Variants in FBXL13 observed in about 807,000 individuals in gnomAD.
FBXL13 encodes F-box and leucine-rich repeat protein 13.
A neutral mutation model predicts 83.6 loss-of-function variants in FBXL13; 67 were observed. That is an observed-to-expected ratio of 0.80 (90% CI 0.66 to 0.98). The LOEUF (loss-of-function observed/expected upper bound fraction) is 0.98. FBXL13 is among the 50% of genes least tolerant of loss of function. The pLI, the probability that FBXL13 is intolerant of heterozygous loss-of-function variation, is 0.00. For synonymous variants in FBXL13, 272 were observed against 299.5 expected, an observed-to-expected ratio of 0.91 and a Z score of 0.95; for missense variants, 822 against 866.5, an observed-to-expected ratio of 0.95 and a Z score of 0.64.
intron 1 of FBXL13, among the ~76,000 whole-genome samples, chr7:103,060,018 TTTTATATATATATATATATATATA>T (rs1797703814): frequency 1.7e-5 from 1 of 58,354 alleles, no homozygotes; most frequent in Non-Finnish European, 3.4e-5. Context: ...TAGCAAGATA[TTTTATATATATATATATATATATA>T]TATATATATA....
intron 16 of FBXL13, among the ~76,000 whole-genome samples, chr7:102,875,125 G>A (rs1371583452): frequency 6.6e-6 from 1 of 152,120 alleles, no homozygotes; most frequent in East Asian, 1.9e-4. Flanking sequence ...AACAGCTGGC[G>A]ATTCTGCTCC....
At chr7:102,883,622 C>A (rs548882216) in exon 13 of FBXL13, 2 of 1,612,312 alleles carry the variant, frequency 1.2e-6, no homozygotes, top group Non-Finnish European at 1.7e-6. Context: ...AAAGTACAAT[C>A]GGAGATATGC....
chr7:102,998,777 G>A lies in FBXL13; in HGVS notation c.495+26286C>T, dbSNP rs971396838. Among the ~76,000 whole-genome samples the A allele has an allele frequency of 6.0e-5, 9 of 151,142 alleles. 1 individual carries two copies. The South Asian group carries it at 1.5e-3, about 25-fold the overall frequency. On this transcript the variant is annotated intron_variant, in intron 6 of 19. Coordinates refer to ENST00000313221, the Ensembl canonical transcript of FBXL13. ...AGCCCAGGAATTCGAGACTAGCCTG[G>A]GTGACATGGCAAAACTCCATCTCTA...
At chr7:103,059,436 A>C (rs1252503439) in intron 1 of FBXL13, among the ~76,000 whole-genome samples, 1 of 152,198 alleles carries the variant, frequency 6.6e-6, no homozygotes, top group Admixed American at 6.5e-5. Context: ...TGCCCAATGA[A>C]AATAAAAATC....
At chr7:102,973,405 C>G in intron 6 of FBXL13, 1 of 697,030 alleles carries the variant, frequency 1.4e-6, no homozygotes, top group Non-Finnish European at 2.6e-6. Flanking sequence ...AACAGGCCAT[C>G]TGGGTACCAC....
chr7:102,960,963 T>C (rs1449602433), intron 8 of FBXL13, among the ~76,000 whole-genome samples: 4 of 151,928 alleles, frequency 2.6e-5, no homozygotes, highest in South Asian at 2.1e-4. Context: ...CTATTCAACG[T>C]AGTGTTGGAA....
intron 6 of FBXL13, among the ~76,000 whole-genome samples, chr7:102,998,758 G>GCCTGGGT (rs1352317503): frequency 2.0e-5 from 3 of 151,898 alleles, no homozygotes; most frequent in African/African-American, 7.3e-5. Context: ...TTTGAGCCCA[G>GCCTGGGT]GAATTCGAGA....
At chr7:102,974,644 T>G (rs1209829593) in intron 6 of FBXL13, among the ~76,000 whole-genome samples, 1 of 152,086 alleles carries the variant, frequency 6.6e-6, no homozygotes, top group African/African-American at 2.4e-5. Flanking sequence ...TAATTCTTGC[T>G]CACCTGTTCA....
intron 10 of FBXL13, among the ~76,000 whole-genome samples, chr7:102,919,979 C>T (rs1003123385): frequency 6.6e-5 from 10 of 151,994 alleles, no homozygotes; most frequent in African/African-American, 1.7e-4. Context: ...CACTACAATT[C>T]GATATTAAAA....
intron 18 of FBXL13, among the ~76,000 whole-genome samples, chr7:102,826,643 T>C (rs934074288): frequency 2.0e-5 from 3 of 146,510 alleles, no homozygotes; most frequent in Admixed American, 1.4e-4. Context: ...GAGGATCACT[T>C]GAGCCTGGGA....
chr7:102,989,037 G>C (rs567665822), intron 6 of FBXL13, among the ~76,000 whole-genome samples: 1 of 152,288 alleles, frequency 6.6e-6, no homozygotes, highest in Admixed American at 6.5e-5. Flanking sequence ...ACTTTATGAG[G>C]AAGCTACAAA....
At chr7:102,944,926 GA>G (rs1033539298) in intron 8 of FBXL13, 35 of 206,328 alleles carry the variant, frequency 1.7e-4, no homozygotes, top group African/African-American at 7.6e-4. Context: ...AGAAAATAAA[GA>G]AAAAAAACTT....
rs145367780 is a variant in FBXL13, at chr7:102,867,954, G to A, written c.1635+9513C>T. ...CCTGATCTCATGATCTGCCCACCTCGGCCTCCCAAAGTGCTGGGATTACAG... is the reference window on the plus strand; with the variant it reads ...CCTGATCTCATGATCTGCCCACCTCAGCCTCCCAAAGTGCTGGGATTACAG... On this transcript the variant is annotated intron_variant, in intron 16 of 19. Coordinates refer to ENST00000313221, the Ensembl canonical transcript of FBXL13. 6.1e-3 allele frequency among the ~76,000 whole-genome samples: 926 copies of A among 151,364 alleles called. 12 individuals carry two copies. Among genetic ancestry groups the A allele is most frequent in the African/African-American group, 0.021 (881 of 41,228 alleles).
intron 6 of FBXL13, among the ~76,000 whole-genome samples, chr7:102,985,364 G>A (rs1030358763): frequency 1.3e-5 from 2 of 152,152 alleles, no homozygotes; most frequent in Admixed American, 1.3e-4. Context: ...GCTCCTGAGT[G>A]AGCTTCCAAC....
intron 5 of FBXL13, 53 bp downstream of exon 6, chr7:103,027,396 T>C (rs1052074305): frequency 9.7e-6 from 12 of 1,237,770 alleles, no homozygotes; most frequent in East Asian, 2.3e-5. Context: ...TGAGGCAACA[T>C]GAATATAACT....
At chr7:103,045,938 A>G (rs1257626769) in intron 2 of FBXL13, among the ~76,000 whole-genome samples, 1 of 152,176 alleles carries the variant, frequency 6.6e-6, no homozygotes, top group African/African-American at 2.4e-5. Context: ...TCGTCTTTCC[A>G]TTTGAAGAGA....
chr7:102,865,763 C>T (rs1215639235), intron 16 of FBXL13, among the ~76,000 whole-genome samples: 1 of 151,762 alleles, frequency 6.6e-6, no homozygotes, highest in Admixed American at 6.6e-5. Context: ...GCAGGATGGT[C>T]TCGATCTCTT....
At chr7:102,827,934 T>C (rs923965973) in intron 18 of FBXL13, among the ~76,000 whole-genome samples, 1 of 152,192 alleles carries the variant, frequency 6.6e-6, no homozygotes, top group African/African-American at 2.4e-5. Context: ...TCTGTTCCAT[T>C]GGTCTATATC....
At chr7:103,028,111 T>C (rs1225337944) in intron 4 of FBXL13, among the ~76,000 whole-genome samples, 1 of 152,176 alleles carries the variant, frequency 6.6e-6, no homozygotes. Flanking sequence ...CAAGAGCTCT[T>C]GGAGGTTATA....
Sources: gnomAD v4.1 joint callset for allele counts (sites outside exome capture counted in the v4.1 genomes callset) on GRCh38, gnomAD v4.1.1 for gene constraint, MANE v1.5 for transcripts, NCBI Gene and HGNC (gene_info 2026-07-23, HGNC 2026-07-21) for gene names.